YPEL2: variants seen among roughly 807,000 people sequenced by gnomAD.
YPEL2 encodes protein yippee-like 2.
A neutral mutation model predicts 19.1 loss-of-function variants in YPEL2; 2 were observed. The observed-to-expected ratio is 0.10, with a 90% confidence interval of 0.04 to 0.33. YPEL2 has a LOEUF of 0.33. Ranked by LOEUF, YPEL2 falls within the 10% of genes least tolerant of loss-of-function variation. The probability of loss-of-function intolerance (pLI) is 1.00; values close to 1 mark genes in which losing one functional copy is unlikely to be tolerated. For missense variants in YPEL2, 66 were observed against 140.7 expected, an observed-to-expected ratio of 0.47 and a Z score of 2.68; for synonymous variants, 52 against 50.0, an observed-to-expected ratio of 1.04 and a Z score of -0.17.
Position 59,346,949 on chromosome 17 carries a change from T to C in YPEL2, c.-195-6266T>C, listed in dbSNP as rs374982289. 6.0e-4 allele frequency among the ~76,000 whole-genome samples: 92 copies of C among 152,276 alleles called. 1 individual carries two copies. Among genetic ancestry groups the C allele is most frequent in the South Asian group, 3.7e-3 (18 of 4,826 alleles). ...GGGACCTACAAGGAGTGGTACAAGT[T>C]GCCAAATGCCTCCTAAGAGAGTTCC... On this transcript the variant is annotated intron_variant, in intron 1 of 4. Transcript: ENST00000312655.
At chr17:59,395,732 G>T (rs892602736) in intron 4 of YPEL2, among the ~76,000 whole-genome samples, 1 of 152,072 alleles carries the variant, frequency 6.6e-6, no homozygotes, top group East Asian at 1.9e-4. Context: ...CTGGCCTCAC[G>T]GTATTTTGTT....
intron 2 of YPEL2, among the ~76,000 whole-genome samples, chr17:59,380,123 G>A (rs113096400): frequency 1.3e-3 from 190 of 150,848 alleles, no homozygotes; most frequent in African/African-American, 3.0e-3. Context: ...GGCTCCCAAA[G>A]TGCTGGGAAA....
chr17:59,393,163 A>G (rs1390054905), intron 4 of YPEL2, among the ~76,000 whole-genome samples: 1 of 151,928 alleles, frequency 6.6e-6, no homozygotes, highest in Non-Finnish European at 1.5e-5. Context: ...ATTTTTTGAG[A>G]CAGGCCCCTG....
intron 2 of YPEL2, among the ~76,000 whole-genome samples, chr17:59,381,120 G>A (rs1485220780): frequency 1.3e-5 from 2 of 152,214 alleles, no homozygotes; most frequent in Non-Finnish European, 2.9e-5. Context: ...ACTTACAGAT[G>A]AAAAAGATGT....
intron 2 of YPEL2, chr17:59,365,950 TC>T (rs982089435): frequency 2.0e-5 from 3 of 152,276 alleles, no homozygotes; most frequent in African/African-American, 4.8e-5. Flanking sequence ...AGTTCTCCCC[TC>T]CCCTTTAGCC....
At chr17:59,388,703 G>T (rs1355854060) in intron 3 of YPEL2, 3 of 331,442 alleles carry the variant, frequency 9.1e-6, no homozygotes, top group Non-Finnish European at 1.7e-5. Flanking sequence ...GAGAATATGG[G>T]TGAAAAAGAC....
chr17:59,400,829 G>C lies in YPEL2; in HGVS notation c.*3639G>C, dbSNP rs1432316014. On this transcript the variant is annotated 3_prime_UTR_variant, in exon 5 of 5. Transcript: ENST00000312655. ...ACTTTAACTACAGTTTACACCTCGG[G>C]CGCATAAAGTTTTTCTTCTCTTTCT... 6.6e-6 allele frequency: 1 copy of C among 152,554 alleles called. No individual in the cohort carries two copies. Among genetic ancestry groups the C allele is most frequent in the South Asian group, 2.1e-4 (1 of 4,824 alleles). 9.5% of individuals were successfully genotyped at this position (152,554 alleles called of 1,614,324 possible).
intron 4 of YPEL2, among the ~76,000 whole-genome samples, chr17:59,394,122 G>T (rs918800105): frequency 6.6e-6 from 1 of 150,992 alleles, no homozygotes; most frequent in Non-Finnish European, 1.5e-5. Flanking sequence ...TCCCGGACGC[G>T]GCAGCTGGCC....
intron 1 of YPEL2, among the ~76,000 whole-genome samples, chr17:59,348,406 A>G (rs1304879642): frequency 6.6e-6 from 1 of 151,980 alleles, no homozygotes; most frequent in African/African-American, 2.4e-5. Context: ...CCGCCCCTCC[A>G]TCCTGGTGGC....
intron 2 of YPEL2, among the ~76,000 whole-genome samples, chr17:59,387,401 C>A (rs185172410): frequency 6.6e-6 from 1 of 152,082 alleles, no homozygotes; most frequent in East Asian, 1.9e-4. Context: ...CTCTGGTCAT[C>A]TGTTAGCCAC....
intron 4 of YPEL2, among the ~76,000 whole-genome samples, chr17:59,394,515 C>T (rs2048027963): frequency 6.6e-6 from 1 of 151,370 alleles, no homozygotes; most frequent in Non-Finnish European, 1.5e-5. Flanking sequence ...AGGGGCTCCT[C>T]ACATCCCAGA....
At chr17:59,339,234 G>T (rs1168551036) in intron 1 of YPEL2, among the ~76,000 whole-genome samples, 5 of 151,854 alleles carry the variant, frequency 3.3e-5, no homozygotes, top group African/African-American at 1.2e-4. Flanking sequence ...TAACTTTCAG[G>T]ACAGGTTACG....
At chr17:59,395,670 C>T (rs968525860) in intron 4 of YPEL2, among the ~76,000 whole-genome samples, 1 of 152,130 alleles carries the variant, frequency 6.6e-6, no homozygotes, top group Admixed American at 6.5e-5. Flanking sequence ...CTCCTGTCTC[C>T]ACACATCTGA....
intron 2 of YPEL2, among the ~76,000 whole-genome samples, chr17:59,378,340 T>A (rs1003775240): frequency 8.7e-6 from 1 of 114,872 alleles, no homozygotes; most frequent in African/African-American, 4.3e-5. Context: ...AGTCCCAGAG[T>A]CTCCTCCTTT....
intron 2 of YPEL2, among the ~76,000 whole-genome samples, chr17:59,386,182 C>T (rs1328504340): frequency 6.6e-6 from 1 of 150,520 alleles, no homozygotes; most frequent in South Asian, 2.1e-4. Flanking sequence ...TTTTAAATAG[C>T]TGGTTATGGT....
At chr17:59,389,588 G>A (rs1254200422) in intron 4 of YPEL2, 120 bp downstream of exon 4, 6 of 727,698 alleles carry the variant, frequency 8.2e-6, no homozygotes, top group East Asian at 5.4e-5. Context: ...GACCAGAATA[G>A]TCACCTGTCT....
Position 59,353,680 on chromosome 17 carries a change from ACT to A in YPEL2, c.117+157_117+158del, listed in dbSNP as rs774647306. The stretch of plus-strand genomic sequence containing the variant: ...TGACCGTCTCACTCAACTGAGAAAA[ACT>A]CTGAGTTGGAGGGACAGAGTAGTCA... On this transcript the variant is annotated intron_variant, in intron 2 of 4. Transcript: ENST00000312655. This position sits in a 1 kb window ranked among gnomAD's most constrained non-coding sequence, Gnocchi z 4.8. The A allele has an allele frequency of 2.8e-6, 2 of 705,556 alleles. No individual in the cohort carries two copies. The highest frequency in any genetic ancestry group is 1.4e-5 in the South Asian group (1 of 69,226). 43.7% of individuals were successfully genotyped at this position (705,556 alleles called of 1,614,324 possible).
chr17:59,377,296 C>G (rs1243162632), intron 2 of YPEL2, among the ~76,000 whole-genome samples: 1 of 152,132 alleles, frequency 6.6e-6, no homozygotes, highest in East Asian at 1.9e-4. Flanking sequence ...TTCAAGGGCC[C>G]GATGGCTTTG....
chr17:59,351,553 G>C (rs913884666), intron 1 of YPEL2, among the ~76,000 whole-genome samples: 1 of 151,958 alleles, frequency 6.6e-6, no homozygotes, highest in African/African-American at 2.4e-5. Context: ...TGATGAAGGG[G>C]TTCTGGATCC....
Sources: gnomAD v4.1 joint callset for allele counts (sites outside exome capture counted in the v4.1 genomes callset) on GRCh38, gnomAD v4.1.1 for gene constraint, Gnocchi (gnomAD v3.1) non-coding constraint, MANE v1.5 for transcripts, NCBI Gene and HGNC (gene_info 2026-07-23, HGNC 2026-07-21) for gene names.